GALNT12: variants seen among roughly 807,000 people sequenced by gnomAD.
The protein encoded by GALNT12 is UDP-GalNAc:polypeptide N-acetylgalactosaminyltransferase 12.
In GALNT12, 45 loss-of-function variants were observed where a neutral mutation model predicts 55.5. That is an observed-to-expected ratio of 0.81 (90% CI 0.64 to 1.04). The LOEUF is 1.04. Ranked by LOEUF, GALNT12 falls within the 50% of genes least tolerant of loss-of-function variation. The probability of loss-of-function intolerance (pLI) is 0.00; values close to 1 mark genes in which losing one functional copy is unlikely to be tolerated. For missense variants in GALNT12, 709 were observed against 754.8 expected (o/e 0.94, Z 0.71); for synonymous variants, 304 against 312.2 (o/e 0.97, Z 0.28).
At chr9:98,828,916 G>C (rs1051736860) in intron 3 of GALNT12, among the ~76,000 whole-genome samples, 1 of 151,866 alleles carries the variant, frequency 6.6e-6, no homozygotes, top group South Asian at 2.1e-4. Context: ...TGCAACCTCC[G>C]CCTCCCAAGT....
chr9:98,822,904 A>G (rs1336484935), intron 1 of GALNT12, among the ~76,000 whole-genome samples: 1 of 152,216 alleles, frequency 6.6e-6, no homozygotes, highest in East Asian at 1.9e-4. Context: ...CAGTCTGAGC[A>G]AAGGCCTGGG....
chr9:98,849,674 A>ATCT lies in GALNT12; in HGVS notation c.*582_*583insTCT. 1 of 407,506 alleles carries ATCT rather than the reference A, an allele frequency of 2.5e-6. No homozygotes were observed. Among genetic ancestry groups the ATCT allele is most frequent in the South Asian group, 1.1e-4 (1 of 8,924 alleles). 25.2% of individuals were successfully genotyped at this position (407,506 alleles called of 1,614,324 possible). On this transcript the variant is annotated 3_prime_UTR_variant, in exon 10 of 10. Coordinates refer to ENST00000375011, the MANE Select transcript of GALNT12 (RefSeq NM_024642.5). ...TTGGTTATGTGTTGCTACCACAGTT[A>ATCT]ACACTCCATAATGTTCATGTCAGCC...
intron 1 of GALNT12, among the ~76,000 whole-genome samples, chr9:98,811,310 T>A (rs1185234356): frequency 6.6e-6 from 1 of 152,244 alleles, no homozygotes. Context: ...AGGAAATGGT[T>A]ATTAGTAATG....
intron 9 of GALNT12, chr9:98,847,253 T>C (rs1836441883): frequency 6.6e-6 from 1 of 152,248 alleles, no homozygotes; most frequent in African/African-American, 2.4e-5. Flanking sequence ...GGGTTTATTC[T>C]AAAGATGATT....
At chr9:98,831,740 G>A (rs1194126492) in intron 3 of GALNT12, 32 bp from the exon 4 acceptor site, 1 of 1,613,134 alleles carries the variant, frequency 6.2e-7, no homozygotes, top group South Asian at 1.1e-5. Flanking sequence ...GTCTGCATAG[G>A]AGAGACGGAT....
chr9:98,823,558 G>T (rs1199029716), intron 2 of GALNT12, 133 bp downstream of exon 2: 35 of 749,412 alleles, frequency 4.7e-5, no homozygotes, highest in Non-Finnish European at 7.0e-5. Context: ...ACCCAAGGAA[G>T]ACCTCAGGGA....
intron 1 of GALNT12, among the ~76,000 whole-genome samples, chr9:98,815,302 A>T (rs1425442134): frequency 2.0e-5 from 3 of 152,224 alleles, no homozygotes; most frequent in Non-Finnish European, 2.9e-5. Context: ...GAGGTATCCA[A>T]TACTTTATTA....
At chr9:98,816,159 T>A (rs1346429586) in intron 1 of GALNT12, among the ~76,000 whole-genome samples, 1 of 152,168 alleles carries the variant, frequency 6.6e-6, no homozygotes, top group African/African-American at 2.4e-5. Flanking sequence ...AAGAAAAATT[T>A]TTACAACAAG....
At chr9:98,822,912 G>A (rs1835776422) in intron 1 of GALNT12, among the ~76,000 whole-genome samples, 1 of 152,192 alleles carries the variant, frequency 6.6e-6, no homozygotes, top group African/African-American at 2.4e-5. Context: ...GCAAAGGCCT[G>A]GGAGTGAGAC....
At chr9:98,834,413 G>A (rs998705970) in intron 4 of GALNT12, among the ~76,000 whole-genome samples, 2 of 152,178 alleles carry the variant, frequency 1.3e-5, no homozygotes, top group African/African-American at 4.8e-5. Context: ...GAGCCACCGT[G>A]CCCAGCCCTT....
At chr9:98,845,559 T>C (rs553942053) in intron 8 of GALNT12, among the ~76,000 whole-genome samples, 1 of 152,178 alleles carries the variant, frequency 6.6e-6, no homozygotes, top group South Asian at 2.1e-4. Flanking sequence ...CTAGGAACTG[T>C]CATATTGGGG....
At chr9:98,829,765 C>T (rs1259501084) in intron 3 of GALNT12, among the ~76,000 whole-genome samples, 1 of 152,134 alleles carries the variant, frequency 6.6e-6, no homozygotes, top group African/African-American at 2.4e-5. Context: ...ACGTAATGAC[C>T]TCCAGTTCCA....
At chr9:98,821,465 CA>C (rs1341622366) in intron 1 of GALNT12, among the ~76,000 whole-genome samples, 2 of 151,604 alleles carry the variant, frequency 1.3e-5, no homozygotes, top group Non-Finnish European at 2.9e-5. Flanking sequence ...ACTAAAAATA[CA>C]AAAACAAAAT....
intron 7 of GALNT12, among the ~76,000 whole-genome samples, chr9:98,842,822 A>G (rs1836325179): frequency 6.6e-6 from 1 of 152,358 alleles, no homozygotes; most frequent in Middle Eastern, 3.4e-3. Context: ...AAAAAAGTAA[A>G]GTTAATGAAA....
chr9:98,849,997 T>C lies in GALNT12; in HGVS notation c.*905T>C, dbSNP rs1177085744. On this transcript the variant is annotated 3_prime_UTR_variant, in exon 10 of 10. Transcript: ENST00000375011. ...TGAAAATTTCTCTGAGTAATTCTGA[T>C]TTGTGAATGATCCCAGACCAACCCT... 9.6e-6 allele frequency: 2 copies of C among 207,946 alleles called. No individual in the cohort carries two copies. The highest frequency in any genetic ancestry group is 3.8e-4 in the South Asian group (2 of 5,312). 12.9% of individuals were successfully genotyped at this position (207,946 alleles called of 1,614,324 possible).
chr9:98,835,739 C>CTT (rs532032529), intron 5 of GALNT12, among the ~76,000 whole-genome samples: 4 of 144,480 alleles, frequency 2.8e-5, no homozygotes, highest in South Asian at 2.2e-4. Context: ...GTAAGAATTT[C>CTT]TTTTTTTTTT....
At chr9:98,838,573 T>A (rs1396986226) in intron 6 of GALNT12, among the ~76,000 whole-genome samples, 1 of 152,240 alleles carries the variant, frequency 6.6e-6, no homozygotes, top group Non-Finnish European at 1.5e-5. Flanking sequence ...GCTCTGCCTC[T>A]ACCTCCGGGA....
At chr9:98,834,776 CG>C (rs1407129832) in intron 4 of GALNT12, among the ~76,000 whole-genome samples, 1 of 152,222 alleles carries the variant, frequency 6.6e-6, no homozygotes, top group Non-Finnish European at 1.5e-5. Context: ...GCCTTCTTCT[CG>C]GAACGTGGTC....
chr9:98,807,988 G>A lies in GALNT12; in HGVS notation c.290G>A (p.Ser97Asn), dbSNP rs1200080932. 2 of 1,528,030 alleles carry A rather than the reference G, an allele frequency of 1.3e-6. No homozygotes were observed. Among genetic ancestry groups the A allele is most frequent in the Admixed American group, 2.0e-5 (1 of 50,366 alleles). 94.7% of individuals were successfully genotyped at this position (1,528,030 alleles called of 1,614,324 possible). ...QGEELRLQEE[S>N]VRLHQINIYL... ...GAGGAGCTGCGGCTGCAGGAGGAGA[G>A]CGTGCGGCTGCACCAGATTAACATC... The change falls in exon 1 of 10, where the codon AGC becomes AAC. Residue 97 changes from serine to asparagine, a missense_variant. Transcript: ENST00000375011.
Sources: gnomAD v4.1 joint callset for allele counts (sites outside exome capture counted in the v4.1 genomes callset) on GRCh38, gnomAD v4.1.1 for gene constraint, MANE v1.5 for transcripts, NCBI Gene and HGNC (gene_info 2026-07-23, HGNC 2026-07-21) for gene names.